NEMF: variants seen among roughly 807,000 people sequenced by gnomAD.
The protein encoded by NEMF is ribosome quality control complex subunit NEMF.
Under a neutral mutation model 162.2 loss-of-function variants are expected in NEMF, and 89 were observed. That is an observed-to-expected ratio of 0.55 (90% CI 0.46 to 0.65). The LOEUF (loss-of-function observed/expected upper bound fraction) is 0.65, where lower values mean the gene tolerates loss of function less well. NEMF is among the 30% of genes least tolerant of loss of function. The pLI, the probability that NEMF is intolerant of heterozygous loss-of-function variation, is 0.00. For synonymous variants in NEMF, 421 were observed against 404.5 expected (o/e 1.04, Z -0.49); for missense variants, 1,133 against 1,261.9 (o/e 0.90, Z 1.55).
At chr14:49,790,377 G>C (rs1890383339) in intron 26 of NEMF, among the ~76,000 whole-genome samples, 2 of 152,108 alleles carry the variant, frequency 1.3e-5, no homozygotes, top group Non-Finnish European at 2.9e-5. Context: ...TTTTAAAATA[G>C]GCACTTCGAA....
chr14:49,847,264 C>G (rs373202338), intron 3 of NEMF, among the ~76,000 whole-genome samples: 1 of 151,936 alleles, frequency 6.6e-6, no homozygotes, highest in African/African-American at 2.4e-5. Flanking sequence ...TACAGTAGCA[C>G]AATCTTGGCT....
At chr14:49,841,340 C>G (rs150224561) in intron 4 of NEMF, among the ~76,000 whole-genome samples, 2,565 of 151,512 alleles carry the variant, frequency 0.017, 42 homozygotes, top group Middle Eastern at 0.027. Context: ...TCTGAGAGGC[C>G]GAGGAAGGAG....
chr14:49,822,789 T>C (rs3126203), intron 16 of NEMF, among the ~76,000 whole-genome samples: 151,562 of 152,122 alleles, frequency 1, 75,504 homozygotes, highest in Middle Eastern at 1. Flanking sequence ...GAAAGCCTAC[T>C]GCCATGTTAA....
At chr14:49,814,898 C>G in intron 16 of NEMF, 41 bp from the exon 17 acceptor site, 1 of 1,135,740 alleles carries the variant, frequency 8.8e-7, no homozygotes, top group South Asian at 1.4e-5. Flanking sequence ...TTCTTTATAG[C>G]TGCCTGAATT....
At chr14:49,794,376 A>AT (rs1890589185) in intron 26 of NEMF, among the ~76,000 whole-genome samples, 1 of 152,152 alleles carries the variant, frequency 6.6e-6, no homozygotes, top group Admixed American at 6.6e-5. Flanking sequence ...TGCACATGTC[A>AT]TTTGCAGCTC....
At chr14:49,828,050 T>C (rs993325016) in intron 15 of NEMF, among the ~76,000 whole-genome samples, 5 of 152,236 alleles carry the variant, frequency 3.3e-5, no homozygotes, top group African/African-American at 1.2e-4. Flanking sequence ...GTCCAGGATA[T>C]CACAAACATT....
At chr14:49,831,389 G>A in intron 10 of NEMF, 28 bp from the exon 11 acceptor site, 1 of 1,391,514 alleles carries the variant, frequency 7.2e-7, no homozygotes, top group Non-Finnish European at 1.0e-6. Context: ...CAACTAGTTG[G>A]AAAAAAAAGC....
chr14:49,834,514 G>T, intron 6 of NEMF, 65 bp from the exon 7 acceptor site: 1 of 1,213,378 alleles, frequency 8.2e-7, no homozygotes, highest in Non-Finnish European at 1.2e-6. Context: ...TTTGTTTTTT[G>T]AGATGGAGTT....
chr14:49,831,134 C>T (rs1892613274), intron 11 of NEMF, among the ~76,000 whole-genome samples, 165 bp downstream of exon 11: 1 of 152,098 alleles, frequency 6.6e-6, no homozygotes, highest in South Asian at 2.1e-4. Flanking sequence ...AATAAAATCC[C>T]CCATGGACCT....
At chr14:49,785,746 G>C (rs1339674354) in intron 29 of NEMF, 1 of 175,906 alleles carries the variant, frequency 5.7e-6, no homozygotes, top group East Asian at 1.5e-4. Context: ...AAGTTAGCTG[G>C]GTATAGTGGG....
Position 49,782,613 on chromosome 14 carries a change from G to C in NEMF, c.*2023C>G. On this transcript the variant is annotated 3_prime_UTR_variant, in exon 33 of 33. Transcript: ENST00000298310. Reference sequence around the variant, plus strand: ...TTGTACGGTAAGTAACTTTGTACTTGGCACTTAGATTATTTAAAATTGTGT... The same window carrying C: ...TTGTACGGTAAGTAACTTTGTACTTCGCACTTAGATTATTTAAAATTGTGT... 1 of 1,573,490 alleles carries C rather than the reference G, an allele frequency of 6.4e-7. No individual in the cohort carries two copies. Among genetic ancestry groups the C allele is most frequent in the Non-Finnish European group, 8.7e-7 (1 of 1,152,872 alleles).
At position 49,802,570 on chromosome 14, in the gene NEMF, C is replaced by T. The variant is rs148240881; in HGVS notation, c.1978G>A (p.Asp660Asn). 4 of 1,613,564 alleles carry T rather than the reference C, an allele frequency of 2.5e-6. No individual in the cohort carries two copies. The African/African-American group carries it at 5.3e-5, about 22-fold the overall frequency. ...MMGFSFLFKVDESCVWRHQGE... is the reference protein window; with the variant it reads ...MMGFSFLFKVNESCVWRHQGE... ...TGATGTCTCCAAACACAAGACTCAT[C>T]TACCTAAAGAAACAGTTATTTTTCA... Residue 660 changes from aspartate to asparagine, a missense_variant, in exon 22 of 33, where the codon GAT (aspartate) becomes AAT (asparagine). This residue lies in a region of NEMF where 532 missense variants were observed against 578.6 expected (regional missense o/e 0.92). Transcript: ENST00000298310.
At chr14:49,791,205 T>G (rs920444130) in intron 26 of NEMF, among the ~76,000 whole-genome samples, 5 of 151,218 alleles carry the variant, frequency 3.3e-5, no homozygotes, top group Non-Finnish European at 7.4e-5. Context: ...TGTGGTGGCG[T>G]GTGCCTGTAG....
chr14:49,811,209 C>T (rs1264596596), intron 18 of NEMF, among the ~76,000 whole-genome samples: 1 of 152,128 alleles, frequency 6.6e-6, no homozygotes, highest in African/African-American at 2.4e-5. Flanking sequence ...CTTTTTAATG[C>T]TAATTATAAA....
chr14:49,807,465 C>A (rs528362444), intron 18 of NEMF, among the ~76,000 whole-genome samples: 7 of 152,308 alleles, frequency 4.6e-5, no homozygotes, highest in Admixed American at 4.6e-4. Flanking sequence ...CTTCCCACAG[C>A]AGCTGTATCA....
chr14:49,842,914 G>A (rs1893285516), intron 4 of NEMF, among the ~76,000 whole-genome samples: 1 of 152,086 alleles, frequency 6.6e-6, no homozygotes, highest in African/African-American at 2.4e-5. Context: ...GCTAAGGCAG[G>A]AGAATCGCTT....
chr14:49,851,778 G>A (rs1454747259), intron 2 of NEMF, 29 bp downstream of exon 2: 1 of 1,471,674 alleles, frequency 6.8e-7, no homozygotes, highest in East Asian at 2.3e-5. Flanking sequence ...AATTGTCAAA[G>A]AGAAAATAAG....
At chr14:49,811,398 T>C (rs765811483) in intron 18 of NEMF, among the ~76,000 whole-genome samples, 44 of 140,884 alleles carry the variant, frequency 3.1e-4, no homozygotes, top group South Asian at 7.3e-4. Context: ...ACTGTAAACA[T>C]AGGTAGCTTT....
At chr14:49,850,778 A>C (rs915256427) in intron 3 of NEMF, among the ~76,000 whole-genome samples, 2 of 152,160 alleles carry the variant, frequency 1.3e-5, no homozygotes, top group Admixed American at 6.5e-5. Flanking sequence ...CTGGAAGATA[A>C]GACTAGGAAA....
Sources: allele counts gnomAD v4.1 joint callset (sites outside exome capture counted in the v4.1 genomes callset), GRCh38; gene constraint gnomAD v4.1.1; regional missense constraint gnomAD v4.1.1; transcripts MANE v1.5; gene names NCBI Gene and HGNC (gene_info 2026-07-23, HGNC 2026-07-21).